Variants in ETV1 observed in about 807,000 individuals in gnomAD.
ETV1 encodes the protein ETS translocation variant 1.
A neutral mutation model predicts 62.3 loss-of-function variants in ETV1; 27 were observed. The observed-to-expected ratio is 0.43, with a 90% CI of 0.32 to 0.60. ETV1 has a LOEUF of 0.60. Ranked by LOEUF, ETV1 falls within the 20% of genes least tolerant of loss-of-function variation. The pLI, the probability that ETV1 is intolerant of heterozygous loss-of-function variation, is 0.06. For missense variants in ETV1, 605 were observed against 605.8 expected, an observed-to-expected ratio of 1.00 and a Z score of 0.01; for synonymous variants, 222 against 199.6, an observed-to-expected ratio of 1.11 and a Z score of -0.94.
chr7:13,942,672 C>T (rs1315804158), intron 6 of ETV1, among the ~76,000 whole-genome samples: 2 of 152,072 alleles, frequency 1.3e-5, no homozygotes, highest in Non-Finnish European at 2.9e-5. Flanking sequence ...TTTAGCACTT[C>T]AGATTAAGTA....
chr7:13,939,254 A>G lies in ETV1; in HGVS notation c.236-8T>C. The G allele has an allele frequency of 1.9e-6, 3 of 1,598,264 alleles. No individual in the cohort carries two copies. Among genetic ancestry groups the G allele is most frequent in the Non-Finnish European group, 1.7e-6 (2 of 1,176,126 alleles). ...GCAGGCCATGAAAAGCCACTAGAAA[A>G]AAGAACAAAAATATCCACAAAAATT... On this transcript the variant is annotated splice_region_variant and splice_polypyrimidine_tract_variant and intron_variant, in intron 6 of 13. Transcript: ENST00000430479.
rs1414133613 is a variant in ETV1 at position 13,896,735 on chromosome 7, G to GAA, written c.1213-650_1213-649dup. Among the ~76,000 whole-genome samples, 213 of 51,402 alleles carry GAA rather than the reference G, an allele frequency of 4.1e-3. 1 individual carries two copies. Among genetic ancestry groups the GAA allele is most frequent in the African/African-American group, 0.013 (148 of 11,036 alleles). The allele number at this position is 51,402 out of a possible 152,430, so 33.7% of individuals were successfully genotyped here. ...AAGGAGAGAGAAAGAAAAAGAAAAAGAAAGAAAGGAAAGAAAGAAAGAAAG... is the reference window on the plus strand; with the variant it reads ...AAGGAGAGAGAAAGAAAAAGAAAAAGAAAAAGAAAGGAAAGAAAGAAAGAAAG... On this transcript the variant is annotated intron_variant, in intron 13 of 13. Coordinates refer to ENST00000430479, the MANE Select transcript of ETV1 (RefSeq NM_004956.5).
chr7:13,987,428 A>G (rs561674368), intron 4 of ETV1, among the ~76,000 whole-genome samples: 90 of 152,304 alleles, frequency 5.9e-4, no homozygotes, highest in African/African-American at 2.1e-3. Flanking sequence ...TAAGTTTATT[A>G]TGAATGTCCT....
At chr7:13,945,176 G>T (rs2128465929) in intron 6 of ETV1, among the ~76,000 whole-genome samples, 1 of 152,270 alleles carries the variant, frequency 6.6e-6, no homozygotes, top group African/African-American at 2.4e-5. Flanking sequence ...GGTTGTATCA[G>T]GATTCTGAAT....
intron 6 of ETV1, among the ~76,000 whole-genome samples, chr7:13,969,633 G>T (rs1231418085): frequency 2.6e-5 from 4 of 152,150 alleles, no homozygotes; most frequent in Non-Finnish European, 5.9e-5. Context: ...GCTCTCACAG[G>T]ATAGGAAACA....
intron 9 of ETV1, among the ~76,000 whole-genome samples, chr7:13,918,761 T>C (rs1784487811): frequency 6.6e-6 from 1 of 151,034 alleles, no homozygotes; most frequent in African/African-American, 2.4e-5. Flanking sequence ...CATTGGGAGA[T>C]ATACCTAATG....
At chr7:13,961,694 G>A (rs1790187804) in intron 6 of ETV1, among the ~76,000 whole-genome samples, 1 of 152,054 alleles carries the variant, frequency 6.6e-6, no homozygotes, top group Non-Finnish European at 1.5e-5. Flanking sequence ...TCCTTGATTG[G>A]CCAGAATTCA....
chr7:13,935,810 G>T lies in ETV1; in HGVS notation c.452C>A (p.Ala151Glu). The change falls in exon 8 of 14, where the codon GCA becomes GAA. Residue 151 changes from alanine (A) to glutamate (E), a missense_variant. Around this residue, in one of 3 missense-constraint regions of ETV1, gnomAD observed 426 missense variants for 377.8 expected, o/e 1.13. Transcript: ENST00000430479. ...SSTPVSPLHHASPNSTHTPKP... is the reference protein window; with the variant it reads ...SSTPVSPLHHESPNSTHTPKP... ...CGGTGTATGAGTTGAGTTTGGAGAT[G>T]CATGATGCAGTGGGGACACTGGCGT... 10 of 1,613,928 alleles carry T rather than the reference G, an allele frequency of 6.2e-6. No homozygotes were observed. The highest frequency in any genetic ancestry group is 8.5e-6 in the Non-Finnish European group (10 of 1,179,832).
At position 13,892,880 on chromosome 7, in the gene ETV1, T is replaced by C. The variant is rs1265804938; in HGVS notation, c.*2986A>G. 1 of 232,062 alleles carries C rather than the reference T, an allele frequency of 4.3e-6. No homozygotes were observed. Among genetic ancestry groups the C allele is most frequent in the African/African-American group, 2.2e-5 (1 of 45,294 alleles). 14.4% of individuals were successfully genotyped at this position (232,062 alleles called of 1,614,324 possible). A position where few individuals can be genotyped will look rare whatever the true frequency, so the allele number is the denominator to read the frequency against. ...AACCAGACCTAAGGACATCTTGGTTTTAGTCTCTTAAGGCTTCTTTTGAAC... is the reference window on the plus strand; with the variant it reads ...AACCAGACCTAAGGACATCTTGGTTCTAGTCTCTTAAGGCTTCTTTTGAAC... On this transcript the variant is annotated 3_prime_UTR_variant, in exon 14 of 14. Transcript: ENST00000430479.
chr7:13,989,843 G>A (rs80152843), upstream of ETV1: 1 of 371,266 alleles, frequency 2.7e-6, no homozygotes, highest in Non-Finnish European at 4.8e-6. Context: ...TCTGCCCTAG[G>A]GGGTGCTCGG....
intron 7 of ETV1, among the ~76,000 whole-genome samples, chr7:13,937,283 C>T (rs961745003): frequency 6.6e-6 from 1 of 152,186 alleles, no homozygotes; most frequent in Non-Finnish European, 1.5e-5. Flanking sequence ...TGTTTGGTTC[C>T]ACCTATGTTC....
intron 7 of ETV1, among the ~76,000 whole-genome samples, chr7:13,936,636 G>A (rs576916015): frequency 6.6e-6 from 1 of 152,268 alleles, no homozygotes; most frequent in African/African-American, 2.4e-5. Flanking sequence ...TTTCCTAGGT[G>A]TAACTTTCAG....
At chr7:13,910,653 TA>T (rs1353297259) in intron 10 of ETV1, 1 of 156,590 alleles carries the variant, frequency 6.4e-6, no homozygotes, top group Non-Finnish European at 1.4e-5. Context: ...AGAAATCCTT[TA>T]TTGAGGATTA....
At chr7:13,948,800 G>A (rs1788462957) in intron 6 of ETV1, among the ~76,000 whole-genome samples, 1 of 152,170 alleles carries the variant, frequency 6.6e-6, no homozygotes, top group South Asian at 2.1e-4. Flanking sequence ...GTGGCTGGAT[G>A]GAAAGTGACA....
At chr7:13,924,214 C>A (rs117713874) in intron 9 of ETV1, among the ~76,000 whole-genome samples, 1 of 152,022 alleles carries the variant, frequency 6.6e-6, no homozygotes. Context: ...GAAGTGTAAG[C>A]CACTGAGCCA....
At chr7:13,948,112 A>G (rs1788383661) in intron 6 of ETV1, among the ~76,000 whole-genome samples, 1 of 152,214 alleles carries the variant, frequency 6.6e-6, no homozygotes, top group South Asian at 2.1e-4. Context: ...AAAGGCATTT[A>G]AAAATTCACA....
At chr7:13,911,165 A>T in intron 10 of ETV1, 74 bp downstream of exon 10, 1 of 983,542 alleles carries the variant, frequency 1.0e-6, no homozygotes, top group Non-Finnish European at 1.6e-6. Context: ...ATGATTAATT[A>T]AATGACGTCA....
At chr7:13,974,545 G>C (rs377284779) in intron 6 of ETV1, among the ~76,000 whole-genome samples, 11 of 152,172 alleles carry the variant, frequency 7.2e-5, no homozygotes, top group Admixed American at 3.9e-4. Context: ...CAACCAAAAG[G>C]CTGACTCAGA....
intron 9 of ETV1, among the ~76,000 whole-genome samples, chr7:13,915,974 T>C (rs1173315027): frequency 6.6e-6 from 1 of 152,228 alleles, no homozygotes; most frequent in African/African-American, 2.4e-5. Context: ...TCTTAGTTAC[T>C]GAACTGGATG....
Sources: gnomAD v4.1 joint callset for allele counts (sites outside exome capture counted in the v4.1 genomes callset) on GRCh38, gnomAD v4.1.1 for gene constraint, gnomAD v4.1.1 regional missense constraint, MANE v1.5 for transcripts, NCBI Gene and HGNC (gene_info 2026-07-23, HGNC 2026-07-21) for gene names.